SGCZ: variants seen among roughly 807,000 people sequenced by gnomAD.
The protein encoded by SGCZ is sarcoglycan zeta.
Under a neutral mutation model 41.3 loss-of-function variants are expected in SGCZ, and 40 were observed. The observed-to-expected ratio is 0.97, with a 90% CI of 0.75 to 1.26. SGCZ has a LOEUF of 1.26. Ranked by LOEUF, SGCZ falls within the 50% of genes most tolerant of loss-of-function variation. SGCZ has a pLI of 0.00. For missense variants in SGCZ, 552 were observed against 369.8 expected, an observed-to-expected ratio of 1.49 and a Z score of -4.04; for synonymous variants, 206 against 137.5, an observed-to-expected ratio of 1.50 and a Z score of -3.49.
chr8:15,210,048 C>G (rs1384139884), intron 1 of SGCZ, among the ~76,000 whole-genome samples: 1 of 152,120 alleles, frequency 6.6e-6, no homozygotes, highest in South Asian at 2.1e-4. Flanking sequence ...ATACTTCTTA[C>G]TCATTACCAA....
intron 1 of SGCZ, among the ~76,000 whole-genome samples, chr8:14,584,782 G>A (rs999324866): frequency 4.6e-5 from 7 of 151,992 alleles, no homozygotes; most frequent in East Asian, 1.9e-4. Context: ...CACATTTTCC[G>A]TGATAGGAAT....
At chr8:15,090,903 T>A (rs1225791136) in intron 1 of SGCZ, among the ~76,000 whole-genome samples, 1 of 152,160 alleles carries the variant, frequency 6.6e-6, no homozygotes, top group Non-Finnish European at 1.5e-5. Context: ...CAAAATACAA[T>A]CTGTGCATCT....
At chr8:14,134,311 A>T (rs1418669784) in intron 5 of SGCZ, among the ~76,000 whole-genome samples, 1 of 152,176 alleles carries the variant, frequency 6.6e-6, no homozygotes, top group African/African-American at 2.4e-5. Flanking sequence ...CCTCCAGAAC[A>T]TACACACTTT....
chr8:14,475,773 CACA>C (rs1370065065), intron 2 of SGCZ, among the ~76,000 whole-genome samples: 1 of 152,092 alleles, frequency 6.6e-6, no homozygotes, highest in Admixed American at 6.6e-5. Flanking sequence ...TATACACACA[CACA>C]ACAAGCAATA....
intron 1 of SGCZ, among the ~76,000 whole-genome samples, chr8:14,651,947 T>G (rs765433837): frequency 1.3e-5 from 2 of 151,780 alleles, no homozygotes; most frequent in Non-Finnish European, 2.9e-5. Context: ...AAGTTTACAT[T>G]TAAAAAAAAA....
intron 1 of SGCZ, among the ~76,000 whole-genome samples, chr8:14,920,944 C>T (rs572873561): frequency 1.3e-5 from 2 of 152,296 alleles, no homozygotes; most frequent in Admixed American, 6.5e-5. Context: ...GGCTTCTACG[C>T]TCAGAACATT....
intron 2 of SGCZ, among the ~76,000 whole-genome samples, chr8:14,540,780 T>C (rs537810019): frequency 1.2e-3 from 179 of 152,000 alleles, no homozygotes; most frequent in African/African-American, 4.0e-3. Flanking sequence ...GGAAAGAATT[T>C]TTATCCTCAT....
At chr8:14,671,728 TA>T (rs1808109127) in intron 1 of SGCZ, among the ~76,000 whole-genome samples, 1 of 152,122 alleles carries the variant, frequency 6.6e-6, no homozygotes, top group Non-Finnish European at 1.5e-5. Flanking sequence ...AATATTTGGA[TA>T]TAACATTAGG....
chr8:14,566,822 G>C (rs948406246), intron 1 of SGCZ, among the ~76,000 whole-genome samples: 1 of 152,198 alleles, frequency 6.6e-6, no homozygotes, highest in Non-Finnish European at 1.5e-5. Flanking sequence ...GAGGTGTGGA[G>C]GGAGAGGCAC....
chr8:14,726,903 G>A (rs1039295154), intron 1 of SGCZ, among the ~76,000 whole-genome samples: 1 of 151,900 alleles, frequency 6.6e-6, no homozygotes, highest in Admixed American at 6.6e-5. Context: ...AGCAAAGAAA[G>A]TATTAAGGTA....
intron 1 of SGCZ, among the ~76,000 whole-genome samples, chr8:14,986,668 T>C (rs2130887606): frequency 6.6e-6 from 1 of 152,196 alleles, no homozygotes; most frequent in East Asian, 1.9e-4. Flanking sequence ...ACAACAGTTT[T>C]AAGAGACTTC....
chr8:14,291,906 T>C (rs13279599), intron 3 of SGCZ, among the ~76,000 whole-genome samples: 114,212 of 151,568 alleles, frequency 0.75, 43,463 homozygotes, highest in Non-Finnish European at 0.8. Flanking sequence ...TGATTCGCAT[T>C]CTGAGTTTCT....
At chr8:14,233,437 T>C (rs889240032) in intron 4 of SGCZ, among the ~76,000 whole-genome samples, 1 of 151,262 alleles carries the variant, frequency 6.6e-6, no homozygotes, top group Non-Finnish European at 1.5e-5. Flanking sequence ...ATAAATAAAA[T>C]ATAATTATCC....
intron 1 of SGCZ, among the ~76,000 whole-genome samples, chr8:14,935,774 C>A (rs1207222942): frequency 6.6e-6 from 1 of 151,178 alleles, no homozygotes; most frequent in African/African-American, 2.4e-5. Context: ...CTGAAATTTC[C>A]AATTATAAAA....
At chr8:14,773,822 C>T (rs1471421213) in intron 1 of SGCZ, among the ~76,000 whole-genome samples, 1 of 152,186 alleles carries the variant, frequency 6.6e-6, no homozygotes, top group Non-Finnish European at 1.5e-5. Flanking sequence ...TGCCTCAATT[C>T]CTCTGAAAAC....
chr8:14,855,082 C>A (rs1351574693), intron 1 of SGCZ, among the ~76,000 whole-genome samples: 3 of 151,818 alleles, frequency 2.0e-5, no homozygotes, highest in African/African-American at 7.3e-5. Context: ...GAGACGGAGT[C>A]TTGCTCTGTC....
intron 1 of SGCZ, among the ~76,000 whole-genome samples, chr8:14,781,336 A>C (rs1233529458): frequency 6.6e-6 from 1 of 152,036 alleles, no homozygotes; most frequent in Admixed American, 6.6e-5. Flanking sequence ...GGTTCTAGCG[A>C]TTCTTTCTCT....
At chr8:14,470,980 C>A (rs1270709669) in intron 2 of SGCZ, among the ~76,000 whole-genome samples, 2 of 152,084 alleles carry the variant, frequency 1.3e-5, no homozygotes, top group South Asian at 2.1e-4. Context: ...CAGTAAGAGG[C>A]GCTACCCTAA....
intron 5 of SGCZ, among the ~76,000 whole-genome samples, chr8:14,137,734 G>C (rs750056390): frequency 3.3e-5 from 5 of 152,152 alleles, no homozygotes; most frequent in Non-Finnish European, 5.9e-5. Context: ...GGGGAGAATG[G>C]ACCCAAGTTG....
Sources: allele counts gnomAD v4.1 joint callset (sites outside exome capture counted in the v4.1 genomes callset), GRCh38; gene constraint gnomAD v4.1.1; transcripts MANE v1.5; gene names NCBI Gene and HGNC (gene_info 2026-07-23, HGNC 2026-07-21).